The following SNTG2 variants were observed in gnomAD, a reference collection of about 807,000 sequenced individuals.
The protein encoded by SNTG2 is syntrophin gamma 2, also known as gamma-2-syntrophin.
In SNTG2, 74 loss-of-function variants were observed where a neutral mutation model predicts 70.9. The observed-to-expected ratio is 1.04, with a 90% CI of 0.86 to 1.27. The LOEUF (loss-of-function observed/expected upper bound fraction) is 1.27, where lower values mean the gene tolerates loss of function less well. Among genes scored for constraint, SNTG2 ranks in the 50% most tolerant of loss-of-function variants. The probability of loss-of-function intolerance (pLI) is 0.00; values close to 1 mark genes in which losing one functional copy is unlikely to be tolerated. For synonymous variants in SNTG2, 278 were observed against 273.8 expected (o/e 1.02, Z -0.15); for missense variants, 717 against 690.7 (o/e 1.04, Z -0.43).
chr2:1,347,369 A>G (rs914313309), intron 16 of SNTG2, among the ~76,000 whole-genome samples: 2 of 152,192 alleles, frequency 1.3e-5, no homozygotes, highest in African/African-American at 4.8e-5. Context: ...TCAGCCCATG[A>G]AAACCAAGGA....
chr2:1,288,640 A>G lies in SNTG2; in HGVS notation c.1285-19854A>G, dbSNP rs562107423. On this transcript the variant is annotated intron_variant, in intron 14 of 16. Transcript: ENST00000308624. ...ACATACACATGGGCACAGCACACAC[A>G]TGAAGATACATACATACATTTTTGT... Among the ~76,000 whole-genome samples, 31 of 135,360 alleles carry G rather than the reference A, an allele frequency of 2.3e-4. 1 individual carries two copies. In the East Asian group the frequency reaches 3.4e-3, roughly 15 times the overall value. The allele number at this position is 135,360 out of a possible 152,430, so 88.8% of individuals were successfully genotyped here.
intron 1 of SNTG2, among the ~76,000 whole-genome samples, chr2:1,065,198 C>T (rs1360181381): frequency 1.3e-5 from 2 of 152,220 alleles, no homozygotes; most frequent in South Asian, 2.1e-4. Context: ...GGCCCCTGCC[C>T]ACTGACTTAC....
chr2:1,171,545 G>A (rs1334916654), intron 7 of SNTG2, among the ~76,000 whole-genome samples: 1 of 152,206 alleles, frequency 6.6e-6, no homozygotes, highest in Non-Finnish European at 1.5e-5. Context: ...TTCAGGTGCT[G>A]TCTCAACAAC....
At chr2:1,223,905 G>A (rs369480199) in intron 9 of SNTG2, among the ~76,000 whole-genome samples, 24 of 151,510 alleles carry the variant, frequency 1.6e-4, no homozygotes, top group African/African-American at 9.7e-5. Context: ...GCAGACATGC[G>A]TCCCTCGAGC....
intron 1 of SNTG2, among the ~76,000 whole-genome samples, chr2:1,016,369 G>T (rs533891835): frequency 3.3e-5 from 5 of 152,290 alleles, no homozygotes; most frequent in Admixed American, 3.3e-4. Flanking sequence ...AGCCTCCTGG[G>T]TAGCTGAGAT....
chr2:1,207,781 G>A (rs1673738690), intron 8 of SNTG2, among the ~76,000 whole-genome samples: 2 of 152,196 alleles, frequency 1.3e-5, no homozygotes, highest in African/African-American at 4.8e-5. Context: ...ACCAGAGCCA[G>A]TTCAGCGGCA....
At chr2:1,357,708 G>A (rs1281531786) in intron 16 of SNTG2, among the ~76,000 whole-genome samples, 13 of 151,720 alleles carry the variant, frequency 8.6e-5, no homozygotes, top group Admixed American at 8.5e-4. Flanking sequence ...TTAGTGGTAT[G>A]CTTAGATTGT....
chr2:1,165,233 G>A (rs944751834), intron 6 of SNTG2, among the ~76,000 whole-genome samples: 8 of 152,298 alleles, frequency 5.3e-5, no homozygotes, highest in South Asian at 2.1e-4. Context: ...TGATTTCTCC[G>A]AGGGTATTAT....
intron 16 of SNTG2, among the ~76,000 whole-genome samples, chr2:1,320,534 CAAAA>C (rs35391780): frequency 3.4e-5 from 3 of 89,458 alleles, no homozygotes; most frequent in Admixed American, 1.2e-4. Flanking sequence ...GACTCCTTCT[CAAAA>C]AAAAAAAAAA....
At chr2:1,046,386 C>T (rs768078874) in intron 1 of SNTG2, among the ~76,000 whole-genome samples, 12 of 152,008 alleles carry the variant, frequency 7.9e-5, no homozygotes, top group African/African-American at 1.4e-4. Flanking sequence ...TGTGCTGGTT[C>T]GATCCTGTCA....
chr2:1,288,470 A>T (rs528627915), intron 14 of SNTG2, among the ~76,000 whole-genome samples: 1 of 151,582 alleles, frequency 6.6e-6, no homozygotes, highest in Non-Finnish European at 1.5e-5. Context: ...GCTCACCGAC[A>T]AGCTACAAAC....
chr2:1,153,936 G>C (rs1367329418), intron 6 of SNTG2, among the ~76,000 whole-genome samples: 1 of 152,196 alleles, frequency 6.6e-6, no homozygotes. Context: ...GCTTCTGGGT[G>C]GAGATGTGTA....
chr2:1,096,964 C>T (rs1013278295), intron 2 of SNTG2, among the ~76,000 whole-genome samples: 11 of 152,136 alleles, frequency 7.2e-5, no homozygotes, highest in African/African-American at 2.2e-4. Flanking sequence ...AAAGCCAAAA[C>T]GATCACTCTG....
intron 1 of SNTG2, among the ~76,000 whole-genome samples, chr2:1,052,731 G>A (rs1426935449): frequency 6.6e-6 from 1 of 152,208 alleles, no homozygotes; most frequent in East Asian, 1.9e-4. Context: ...AGCAGGTGAA[G>A]GGCCGTGGCT....
intron 1 of SNTG2, among the ~76,000 whole-genome samples, chr2:1,043,005 C>G (rs970900746): frequency 6.6e-5 from 10 of 152,172 alleles, no homozygotes; most frequent in Non-Finnish European, 1.3e-4. Context: ...TACCTGTACC[C>G]TTTCCTCTAC....
At chr2:1,055,765 T>G (rs1662353748) in intron 1 of SNTG2, among the ~76,000 whole-genome samples, 1 of 152,192 alleles carries the variant, frequency 6.6e-6, no homozygotes, top group Non-Finnish European at 1.5e-5. Flanking sequence ...TGTGAACATT[T>G]CCATTTTCTA....
intron 14 of SNTG2, among the ~76,000 whole-genome samples, chr2:1,303,689 T>C (rs1572948461): frequency 6.6e-6 from 1 of 152,166 alleles, no homozygotes; most frequent in Non-Finnish European, 1.5e-5. Context: ...GAAGATATCA[T>C]TAAATTTGGC....
chr2:1,239,710 C>A, intron 10 of SNTG2, 28 bp from the exon 11 acceptor site: 4 of 1,611,834 alleles, frequency 2.5e-6, no homozygotes, highest in Non-Finnish European at 3.4e-6. Context: ...GTGGCTGTGG[C>A]CCTGACTCTT....
chr2:1,078,846 A>AG (rs769261549), intron 1 of SNTG2, among the ~76,000 whole-genome samples: 2 of 152,088 alleles, frequency 1.3e-5, no homozygotes, highest in Non-Finnish European at 2.9e-5. Flanking sequence ...TTGGACACTG[A>AG]GGGTCAGGAG....
Sources: gnomAD v4.1 joint callset for allele counts (sites outside exome capture counted in the v4.1 genomes callset) on GRCh38, gnomAD v4.1.1 for gene constraint, MANE v1.5 for transcripts, NCBI Gene and HGNC (gene_info 2026-07-23, HGNC 2026-07-21) for gene names.